The following LDLRAD3 variants were observed in gnomAD, a reference collection of about 807,000 sequenced individuals.
The protein encoded by LDLRAD3 is low-density lipoprotein receptor class A domain-containing protein 3.
LDLRAD3 carries 20 observed loss-of-function variants against 29.4 expected under a neutral mutation model. The observed-to-expected ratio is 0.68, with a 90% CI of 0.48 to 0.99. The LOEUF is 0.99. LDLRAD3 is among the 50% of genes least tolerant of loss of function. LDLRAD3 has a pLI of 0.00. For missense variants in LDLRAD3, 420 were observed against 454.3 expected, an observed-to-expected ratio of 0.92 and a Z score of 0.69; for synonymous variants, 157 against 192.7, an observed-to-expected ratio of 0.81 and a Z score of 1.53.
chr11:36,043,529 G>A (rs1852409130), intron 2 of LDLRAD3, among the ~76,000 whole-genome samples: 1 of 152,198 alleles, frequency 6.6e-6, no homozygotes, highest in Admixed American at 6.5e-5. Flanking sequence ...TTGGAAATGG[G>A]GGTCCTTGTG....
chr11:35,968,832 G>GTTAAATTTAA (rs1851374518), intron 1 of LDLRAD3, among the ~76,000 whole-genome samples: 2 of 152,114 alleles, frequency 1.3e-5, no homozygotes, highest in African/African-American at 4.8e-5. Context: ...ATTTAACCTG[G>GTTAAATTTAA]CAGGTTTCAC....
chr11:35,990,694 G>C (rs1167656969), intron 1 of LDLRAD3, among the ~76,000 whole-genome samples: 1 of 151,876 alleles, frequency 6.6e-6, no homozygotes, highest in Admixed American at 6.6e-5. Context: ...GGGATTACAG[G>C]TGTAAGCCAC....
At chr11:36,171,520 C>G (rs1854598481) in intron 4 of LDLRAD3, among the ~76,000 whole-genome samples, 1 of 152,150 alleles carries the variant, frequency 6.6e-6, no homozygotes, top group Middle Eastern at 3.2e-3. Flanking sequence ...TGAGGCTTGT[C>G]CATTTATCCC....
intron 2 of LDLRAD3, among the ~76,000 whole-genome samples, chr11:36,040,388 A>G (rs981659755): frequency 2.0e-5 from 3 of 152,040 alleles, no homozygotes; most frequent in Admixed American, 6.5e-5. Context: ...ACTCAGATCC[A>G]CTATTGGCAT....
chr11:35,967,988 AT>A, intron 1 of LDLRAD3: 1 of 422,732 alleles, frequency 2.4e-6, no homozygotes, highest in East Asian at 6.8e-5. Flanking sequence ...GCTTTATTGC[AT>A]AAACACTTCT....
intron 4 of LDLRAD3, among the ~76,000 whole-genome samples, chr11:36,170,915 C>T (rs1222101149): frequency 1.3e-5 from 2 of 151,752 alleles, no homozygotes; most frequent in Non-Finnish European, 2.9e-5. Context: ...GATTCTCCTG[C>T]GTCAGCCTCC....
intron 1 of LDLRAD3, among the ~76,000 whole-genome samples, chr11:35,978,305 C>T (rs1383564680): frequency 6.6e-6 from 1 of 152,018 alleles, no homozygotes; most frequent in Non-Finnish European, 1.5e-5. Flanking sequence ...CCCTGCCTGT[C>T]TCCAGCCTCA....
rs1855582108 is a variant in LDLRAD3 at position 36,231,934 on chromosome 11, G to T, written c.*2537G>T. The T allele has an allele frequency of 6.6e-6, 1 of 152,146 alleles. No individual in the cohort carries two copies. The highest frequency in any genetic ancestry group is 2.1e-4 in the South Asian group (1 of 4,830). The allele number at this position is 152,146 out of a possible 1,614,324, so 9.4% of individuals were successfully genotyped here. On this transcript the variant is annotated 3_prime_UTR_variant, in exon 6 of 6. Coordinates refer to ENST00000315571, the MANE Select transcript of LDLRAD3 (RefSeq NM_174902.4). ...TTTAGCATTAAATTAGTTACACTGT[G>T]ATGACTGGCCTATTACCTGACTCAG...
intron 4 of LDLRAD3, among the ~76,000 whole-genome samples, chr11:36,108,864 C>A (rs1853568988): frequency 6.6e-6 from 1 of 152,026 alleles, no homozygotes. Context: ...GAACTGGGTT[C>A]AATTCCAAAT....
At chr11:36,189,565 C>T (rs1396626756) in intron 4 of LDLRAD3, among the ~76,000 whole-genome samples, 1 of 150,726 alleles carries the variant, frequency 6.6e-6, no homozygotes, top group Non-Finnish European at 1.5e-5. Flanking sequence ...GCCTACGTAA[C>T]CACGAATTTA....
chr11:36,093,560 C>G (rs984262057), intron 3 of LDLRAD3, among the ~76,000 whole-genome samples: 10 of 152,074 alleles, frequency 6.6e-5, no homozygotes, highest in African/African-American at 2.4e-4. Flanking sequence ...TTTTCTGGGC[C>G]ACTTTGCCAG....
In LDLRAD3 at chr11:36,127,353, T is replaced by C. The variant is rs559380365; in HGVS notation, c.454+28892T>C. On this transcript the variant is annotated intron_variant, in intron 4 of 5. Coordinates refer to ENST00000315571, the MANE Select transcript of LDLRAD3 (RefSeq NM_174902.4). ...CAATAAAACAGTACTGAGAGGAAGG[T>C]GTTTTTCACTTATATATTTGAATTT... Among the ~76,000 whole-genome samples the C allele has an allele frequency of 1.9e-3, 289 of 152,328 alleles. 1 individual carries two copies. The highest frequency in any genetic ancestry group is 3.2e-3 in the Non-Finnish European group (218 of 68,032).
intron 2 of LDLRAD3, among the ~76,000 whole-genome samples, chr11:36,055,602 C>T (rs1852607035): frequency 6.6e-6 from 1 of 152,218 alleles, no homozygotes; most frequent in Admixed American, 6.5e-5. Flanking sequence ...GCCAGTCTTC[C>T]CTGGTTCAGC....
rs1851024892 is a variant in LDLRAD3 at position 35,944,200 on chromosome 11, G to A, written c.46+56G>A. 1 of 951,552 alleles carries A rather than the reference G, an allele frequency of 1.1e-6. No homozygotes were observed. Among genetic ancestry groups the A allele is most frequent in the Non-Finnish European group, 1.3e-6 (1 of 799,514 alleles). 58.9% of individuals were successfully genotyped at this position (951,552 alleles called of 1,614,324 possible). On this transcript the variant is annotated intron_variant, in intron 1 of 5. Coordinates refer to ENST00000315571, the MANE Select transcript of LDLRAD3 (RefSeq NM_174902.4). This position sits in a 1 kb window ranked among gnomAD's most constrained non-coding sequence, Gnocchi z 4.9. ...GCGGGGCGCGGGGCGCGGGGCGCGG[G>A]GCGCAGCGGCCGGGTGCGATCGCGT... is the stretch of plus-strand genomic sequence containing the variant.
intron 2 of LDLRAD3, among the ~76,000 whole-genome samples, chr11:36,060,495 G>T (rs1852682812): frequency 6.6e-6 from 1 of 152,138 alleles, no homozygotes. Flanking sequence ...CACAGTGCTT[G>T]TTGAGGAAAT....
At chr11:36,136,237 C>T (rs1273528023) in intron 4 of LDLRAD3, among the ~76,000 whole-genome samples, 1 of 152,172 alleles carries the variant, frequency 6.6e-6, no homozygotes. Flanking sequence ...GCCCACTGTG[C>T]ACCAGATGTT....
chr11:36,189,754 C>G (rs1590342446), intron 4 of LDLRAD3, among the ~76,000 whole-genome samples: 1 of 151,892 alleles, frequency 6.6e-6, no homozygotes, highest in East Asian at 1.9e-4. Flanking sequence ...ACAGGCCCCA[C>G]TGTGTGATGT....
Position 36,038,427 on chromosome 11 carries a change from C to T in LDLRAD3, c.193+2178C>T, listed in dbSNP as rs77359516. The stretch of plus-strand genomic sequence containing the variant: ...GTGTATATTTCAACTTCGGCACATA[C>T]GGATTATCGTTAGCTGACCTGGGAA... On this transcript the variant is annotated intron_variant, in intron 2 of 5. Transcript: ENST00000315571. Among the ~76,000 whole-genome samples the T allele has an allele frequency of 8.7e-3, 1,324 of 152,246 alleles. 14 individuals carry two copies. The highest frequency in any genetic ancestry group is 0.03 in the African/African-American group (1,246 of 41,550).
At chr11:36,184,890 T>C (rs768814887) in intron 4 of LDLRAD3, among the ~76,000 whole-genome samples, 2 of 152,232 alleles carry the variant, frequency 1.3e-5, no homozygotes, top group Non-Finnish European at 2.9e-5. Flanking sequence ...CTTGACTTAA[T>C]GTTCCTCTCA....
Sources: gnomAD v4.1 joint callset for allele counts (sites outside exome capture counted in the v4.1 genomes callset) on GRCh38, gnomAD v4.1.1 for gene constraint, Gnocchi (gnomAD v3.1) non-coding constraint, MANE v1.5 for transcripts, NCBI Gene and HGNC (gene_info 2026-07-23, HGNC 2026-07-21) for gene names.